Variants in TTC39C observed in about 807,000 individuals in gnomAD.
TTC39C encodes the protein tetratricopeptide repeat protein 39C.
Under a neutral mutation model 76.3 loss-of-function variants are expected in TTC39C, and 33 were observed. The observed-to-expected ratio is 0.43, with a 90% CI of 0.33 to 0.58. The LOEUF is 0.58. Ranked by LOEUF, TTC39C falls within the 20% of genes least tolerant of loss-of-function variation. The probability of loss-of-function intolerance (pLI) is 0.04; values close to 1 mark genes in which losing one functional copy is unlikely to be tolerated. For missense variants in TTC39C, 595 were observed against 701.4 expected (o/e 0.85, Z 1.71); for synonymous variants, 254 against 260.6 (o/e 0.97, Z 0.24).
chr18:24,070,191 GA>G (rs1171366694), intron 4 of TTC39C, among the ~76,000 whole-genome samples: 2 of 152,060 alleles, frequency 1.3e-5, no homozygotes, highest in African/African-American at 4.8e-5. Context: ...GTCAAAAGTG[GA>G]ATATAACTTC....
chr18:24,025,288 T>C (rs910776323), intron 1 of TTC39C, among the ~76,000 whole-genome samples: 1 of 152,242 alleles, frequency 6.6e-6, no homozygotes, highest in African/African-American at 2.4e-5. Context: ...GTATCCAGGA[T>C]TTCATGTATC....
In TTC39C at chr18:24,114,557, C is replaced by A; in HGVS notation, c.988C>A (p.Gln330Lys). 1.2e-6 allele frequency: 2 copies of A among 1,613,492 alleles called. No individual in the cohort carries two copies. The highest frequency in any genetic ancestry group is 2.2e-5 in the South Asian group (2 of 90,976). ...TCTGTTTTCCTTTTCTCCTTAGTGT[C>A]AAATCAACAGTGCCTTGACATCTTT... ...FKGRIQRLEC[Q>K]INSALTSFHT... The change falls in exon 7 of 14, where the codon CAA becomes AAA. Residue 330 changes from glutamine to lysine, a missense_variant. By Grantham distance (53) the Gln-to-Lys change is moderately conservative. Coordinates refer to ENST00000317571, the MANE Select transcript of TTC39C (RefSeq NM_001135993.2).
chr18:24,017,548 A>G (rs796479254), intron 1 of TTC39C, among the ~76,000 whole-genome samples: 3 of 152,352 alleles, frequency 2.0e-5, no homozygotes, highest in African/African-American at 7.2e-5. Context: ...GTTCGAGTAC[A>G]AGACACAATG....
intron 8 of TTC39C, among the ~76,000 whole-genome samples, chr18:24,120,251 G>A (rs1341075535): frequency 6.6e-6 from 1 of 152,236 alleles, no homozygotes; most frequent in Non-Finnish European, 1.5e-5. Context: ...TTGGGAGGCT[G>A]AGGCAGGTGA....
chr18:24,107,321 G>C (rs1443139096), intron 6 of TTC39C, among the ~76,000 whole-genome samples: 1 of 151,762 alleles, frequency 6.6e-6, no homozygotes, highest in Non-Finnish European at 1.5e-5. Context: ...GCACGCATGT[G>C]CACTCTACTT....
chr18:24,105,378 T>C (rs1290317110), intron 6 of TTC39C, among the ~76,000 whole-genome samples: 1 of 152,240 alleles, frequency 6.6e-6, no homozygotes, highest in Non-Finnish European at 1.5e-5. Context: ...GGATAGTTGA[T>C]AAAATCTTTA....
intron 11 of TTC39C, among the ~76,000 whole-genome samples, chr18:24,129,850 T>C (rs1199351097): frequency 6.6e-6 from 1 of 152,162 alleles, no homozygotes; most frequent in Non-Finnish European, 1.5e-5. Flanking sequence ...GATAATGTCC[T>C]TGTAAGTTTA....
At chr18:24,032,485 T>G (rs112258859) in intron 1 of TTC39C, among the ~76,000 whole-genome samples, 2,186 of 152,368 alleles carry the variant, frequency 0.014, 19 homozygotes, top group Non-Finnish European at 0.023. Context: ...TTGGAATATT[T>G]GCTTATACAT....
chr18:24,020,561 C>A (rs72877856), intron 1 of TTC39C, among the ~76,000 whole-genome samples: 5,543 of 152,304 alleles, frequency 0.036, 148 homozygotes, highest in Non-Finnish European at 0.057. Context: ...ATGCTCAAAT[C>A]CCTGATAGAA....
intron 1 of TTC39C, among the ~76,000 whole-genome samples, chr18:24,006,200 T>C (rs1251574566): frequency 2.6e-5 from 4 of 151,774 alleles, no homozygotes; most frequent in South Asian, 2.1e-4. Context: ...TTTTATAGAG[T>C]TGGGGTTTTG....
intron 6 of TTC39C, chr18:24,099,346 CAG>C (rs1448207690): frequency 6.6e-6 from 1 of 151,584 alleles, no homozygotes; most frequent in African/African-American, 2.4e-5. Context: ...AGAGAGCACT[CAG>C]GGGTCTCTTT....
At chr18:24,107,347 T>G (rs2084757475) in intron 6 of TTC39C, among the ~76,000 whole-genome samples, 1 of 152,196 alleles carries the variant, frequency 6.6e-6, no homozygotes. Flanking sequence ...GTGCTGCTTT[T>G]ATTCTAAATA....
At chr18:24,005,764 G>A (rs2083346926) in intron 1 of TTC39C, among the ~76,000 whole-genome samples, 1 of 150,548 alleles carries the variant, frequency 6.6e-6, no homozygotes, top group South Asian at 2.1e-4. Context: ...AGGACGGCTT[G>A]AATCTAAGAG....
chr18:24,108,597 A>G (rs2084774904), intron 6 of TTC39C, among the ~76,000 whole-genome samples: 1 of 152,228 alleles, frequency 6.6e-6, no homozygotes, highest in South Asian at 2.1e-4. Context: ...TTGTATCTTC[A>G]TATTTATATG....
chr18:24,114,193 A>C, intron 6 of TTC39C: 1 of 293,702 alleles, frequency 3.4e-6, no homozygotes, highest in Non-Finnish European at 6.5e-6. Flanking sequence ...CTACTGTACA[A>C]GTGTGAGAGA....
intron 1 of TTC39C, among the ~76,000 whole-genome samples, chr18:24,021,497 G>A (rs1448749766): frequency 2.6e-5 from 4 of 151,374 alleles, no homozygotes; most frequent in Non-Finnish European, 4.4e-5. Context: ...CCTTGAAGTG[G>A]ATTTGATGAT....
Position 24,118,364 on chromosome 18 carries a change from T to C in TTC39C, c.1186+132T>C, listed in dbSNP as rs140154841. On this transcript the variant is annotated intron_variant, in intron 8 of 13. Transcript: ENST00000317571. ...TCCACAGCCTTCCCCAGCATGTTAA[T>C]GTTTTGTGCAACCAAGTAAATAGTG... is the stretch of plus-strand genomic sequence containing the variant. The C allele has an allele frequency of 6.7e-4, 432 of 641,418 alleles. 1 individual carries two copies. Among genetic ancestry groups the C allele is most frequent in the Non-Finnish European group, 9.7e-4 (364 of 374,846 alleles). 39.7% of individuals were successfully genotyped at this position (641,418 alleles called of 1,614,324 possible).
chr18:24,014,845 C>T lies in TTC39C; in HGVS notation c.-27C>T, dbSNP rs2083430451. The T allele has an allele frequency of 1.6e-6, 2 of 1,245,668 alleles. No homozygotes were observed. Among genetic ancestry groups the T allele is most frequent in the South Asian group, 3.7e-5 (1 of 27,322 alleles). The allele number at this position is 1,245,668 out of a possible 1,614,324, so 77.2% of individuals were successfully genotyped here. A position where few individuals can be genotyped will look rare whatever the true frequency, so the allele number is the denominator to read the frequency against. On this transcript the variant is annotated 5_prime_UTR_variant, in exon 1 of 14. Coordinates refer to ENST00000317571, the MANE Select transcript of TTC39C (RefSeq NM_001135993.2). ...GCAGCAGCTGCTCCCGATCTCGCCT[C>T]GGCCCAGCGCAGGGCCTCGCACGCC...
At chr18:23,995,560 C>T (rs1410545215) in intron 1 of TTC39C, among the ~76,000 whole-genome samples, 1 of 152,116 alleles carries the variant, frequency 6.6e-6, no homozygotes, top group Non-Finnish European at 1.5e-5. Flanking sequence ...CCATCTAGGT[C>T]GTATGAGTCA....
Sources: gnomAD v4.1 joint callset for allele counts (sites outside exome capture counted in the v4.1 genomes callset) on GRCh38, gnomAD v4.1.1 for gene constraint, MANE v1.5 for transcripts, NCBI Gene and HGNC (gene_info 2026-07-23, HGNC 2026-07-21) for gene names.